BUB1B: variants seen among roughly 807,000 people sequenced by gnomAD.
The protein encoded by BUB1B is mitotic checkpoint serine/threonine-protein kinase BUB1 beta.
Under a neutral mutation model 137.7 loss-of-function variants are expected in BUB1B, and 86 were observed. That is an observed-to-expected ratio of 0.62 (90% CI 0.52 to 0.75). The LOEUF (loss-of-function observed/expected upper bound fraction) is 0.75, where lower values mean the gene tolerates loss of function less well. Among genes scored for constraint, BUB1B ranks in the 30% least tolerant of loss-of-function variants. The pLI, the probability that BUB1B is intolerant of heterozygous loss-of-function variation, is 0.00. For missense variants in BUB1B, 1,130 were observed against 1,236.9 expected (o/e 0.91, Z 1.30); for synonymous variants, 420 against 417.9 (o/e 1.00, Z -0.06).
Position 40,206,442 on chromosome 15 carries a change from A to C in BUB1B, c.1993A>C (p.Ser665Arg), listed in dbSNP as rs776731111. 9 of 1,614,218 alleles carry C rather than the reference A, an allele frequency of 5.6e-6. No individual in the cohort carries two copies. In the South Asian group the frequency reaches 8.8e-5, roughly 16 times the overall value. Residue 665 changes from serine (S) to arginine (R), a missense_variant, in exon 15 of 23, where the codon AGC (serine) becomes CGC (arginine). Coordinates refer to ENST00000287598, the MANE Select transcript of BUB1B (RefSeq NM_001211.6). ...ACGTIYSQTL[S>R]IKKLSPIIED... ...TGGCACTATCTACAGTCAGACTCTC[A>C]GCATCAAGAAGCTGAGGTGATTGGG...
rs2037549217 is a variant in BUB1B, at chr15:40,200,275, C to G, written c.1433C>G (p.Thr478Ser). ...QEETMPTKET[T>S]KLQIASESQK... ...GAGACGATGCCTACAAAGGAGACAACTAAACTGCAAATTGCTTCCGAGTCT... is the reference window on the plus strand; with the variant it reads ...GAGACGATGCCTACAAAGGAGACAAGTAAACTGCAAATTGCTTCCGAGTCT... Residue 478 changes from threonine (T) to serine (S), a missense_variant, in exon 11 of 23, where the codon ACT (threonine) becomes AGT (serine). By Grantham distance (58) the Thr-to-Ser change is moderately conservative. Coordinates refer to ENST00000287598, the MANE Select transcript of BUB1B (RefSeq NM_001211.6). The G allele has an allele frequency of 1.2e-6, 2 of 1,613,646 alleles. No homozygotes were observed. The highest frequency in any genetic ancestry group is 2.7e-5 in the African/African-American group (2 of 74,884).
chr15:40,220,439 A>G (rs2037883267), intron 22 of BUB1B, 125 bp from the exon 23 acceptor site: 1 of 956,968 alleles, frequency 1.0e-6, no homozygotes, highest in Non-Finnish European at 1.6e-6. Flanking sequence ...AATGATCTCT[A>G]ACCCTAGAGT....
chr15:40,165,867 T>C (rs1463101679), intron 2 of BUB1B, among the ~76,000 whole-genome samples: 2 of 151,986 alleles, frequency 1.3e-5, no homozygotes, highest in Non-Finnish European at 2.9e-5. Context: ...TTTTTTTTTT[T>C]AATATGACAG....
At chr15:40,164,908 A>T in intron 1 of BUB1B, 145 bp from the exon 2 acceptor site, 1 of 1,041,574 alleles carries the variant, frequency 9.6e-7, no homozygotes, top group Non-Finnish European at 1.4e-6. Flanking sequence ...AAGCTTAGGC[A>T]TATAATAATA....
chr15:40,202,388 A>C lies in BUB1B; in HGVS notation c.1568-17A>C. On this transcript the variant is annotated splice_polypyrimidine_tract_variant and intron_variant, in intron 12 of 22. Coordinates refer to ENST00000287598, the MANE Select transcript of BUB1B (RefSeq NM_001211.6). ...GCATTTACTCCTAGAGTATGTATCT[A>C]GTCTCTCTTTCTCTAGGTCCCAGTG... 3.7e-3 allele frequency: 4,429 copies of C among 1,184,130 alleles called. No homozygotes were observed. Among genetic ancestry groups the C allele is most frequent in the Non-Finnish European group, 5.0e-3 (3,982 of 796,340 alleles). 73.4% of individuals were successfully genotyped at this position (1,184,130 alleles called of 1,614,324 possible).
chr15:40,210,018 C>A, intron 17 of BUB1B, 92 bp from the exon 18 acceptor site: 3 of 1,099,552 alleles, frequency 2.7e-6, no homozygotes, highest in Non-Finnish European at 4.1e-6. Context: ...GGCAAATACA[C>A]CAGTGCCTCT....
chr15:40,205,835 A>G (rs1227228290), intron 14 of BUB1B, among the ~76,000 whole-genome samples: 3 of 152,236 alleles, frequency 2.0e-5, no homozygotes, highest in Non-Finnish European at 2.9e-5. Context: ...TTAGGTATGT[A>G]GCATAGAGGA....
chr15:40,176,859 A>G (rs1474130907), intron 5 of BUB1B, among the ~76,000 whole-genome samples, 186 bp downstream of exon 5: 1 of 152,184 alleles, frequency 6.6e-6, no homozygotes, highest in Admixed American at 6.5e-5. Flanking sequence ...TCTTTGGTAT[A>G]TGGTACTAGG....
chr15:40,201,210 C>T (rs540768719), intron 12 of BUB1B, among the ~76,000 whole-genome samples: 1 of 152,148 alleles, frequency 6.6e-6, no homozygotes, highest in East Asian at 1.9e-4. Flanking sequence ...TTTAAATTTA[C>T]ACTAACCACC....
chr15:40,216,547 CTATA>C (rs763770679), intron 20 of BUB1B, among the ~76,000 whole-genome samples: 1,824 of 125,414 alleles, frequency 0.015, 25 homozygotes, highest in Middle Eastern at 0.02. Context: ...TATATATATA[CTATA>C]TATATATATA....
chr15:40,178,619 C>CT (rs2037248514), intron 5 of BUB1B, among the ~76,000 whole-genome samples: 1 of 152,048 alleles, frequency 6.6e-6, no homozygotes, highest in Admixed American at 6.6e-5. Context: ...TCATTGATGA[C>CT]TTTCTGTCTA....
intron 18 of BUB1B, among the ~76,000 whole-genome samples, chr15:40,211,247 C>G (rs947687508): frequency 2.7e-5 from 4 of 150,872 alleles, no homozygotes; most frequent in Non-Finnish European, 5.9e-5. Flanking sequence ...AATTTTTTAC[C>G]CCTTTGTCAT....
chr15:40,169,876 G>T (rs758461344), intron 2 of BUB1B, among the ~76,000 whole-genome samples, 186 bp from the exon 3 acceptor site: 14 of 152,028 alleles, frequency 9.2e-5, no homozygotes, highest in African/African-American at 3.4e-4. Context: ...GCCTCCCAAA[G>T]TGTCGGGATT....
intron 1 of BUB1B, among the ~76,000 whole-genome samples, chr15:40,164,610 A>T (rs1420706118): frequency 6.6e-6 from 1 of 150,388 alleles, no homozygotes; most frequent in Non-Finnish European, 1.5e-5. Context: ...TGCCAAATTT[A>T]TAACACTTTT....
At chr15:40,217,692 A>G (rs1319948930) in intron 21 of BUB1B, 25 bp downstream of exon 21, 1 of 1,613,436 alleles carries the variant, frequency 6.2e-7, no homozygotes, top group Non-Finnish European at 8.5e-7. Context: ...AGCCTGAGCA[A>G]ATATGGAGAG....
chr15:40,181,288 T>A lies in BUB1B; in HGVS notation c.582-2426T>A, dbSNP rs569592893. Among the ~76,000 whole-genome samples the A allele has an allele frequency of 1.3e-4, 19 of 151,904 alleles. No individual in the cohort carries two copies. The East Asian group carries it at 3.7e-3, about 29-fold the overall frequency. On this transcript the variant is annotated intron_variant, in intron 5 of 22. Coordinates refer to ENST00000287598, the MANE Select transcript of BUB1B (RefSeq NM_001211.6). Reference sequence around the variant, plus strand: ...CTATTTTTAGTAGAGATGGGGTTTCTCCATGTTGGTCAGGCTGGTCTCCAA... The same window carrying A: ...CTATTTTTAGTAGAGATGGGGTTTCACCATGTTGGTCAGGCTGGTCTCCAA...
At chr15:40,212,743 TC>T in intron 19 of BUB1B, 95 bp downstream of exon 19, 1 of 1,174,336 alleles carries the variant, frequency 8.5e-7, no homozygotes, top group Non-Finnish European at 1.2e-6. Flanking sequence ...CTGTCAATCT[TC>T]TAGAAATAGA....
At position 40,185,307 on chromosome 15, in the gene BUB1B, C is replaced by A; in HGVS notation, c.894C>A (p.Pro298=). Residue 298 remains proline (P), a synonymous_variant, in exon 7 of 23, where the codon CCC becomes CCA. Coordinates refer to ENST00000287598, the MANE Select transcript of BUB1B (RefSeq NM_001211.6). The part of the protein sequence containing the change: ...SKPTVQPWIA[P]PMPRAKENEL... ...CTACAGTCCAGCCATGGATAGCACC[C>A]CCCATGCCCAGGGCCAAAGAGAATG... 2 of 1,614,148 alleles carry A rather than the reference C, an allele frequency of 1.2e-6. No individual in the cohort carries two copies. Among genetic ancestry groups the A allele is most frequent in the Non-Finnish European group, 1.7e-6 (2 of 1,180,024 alleles).
Position 40,170,553 on chromosome 15 carries a change from G to C in BUB1B, c.256G>C (p.Glu86Gln). ...CCCATTTAGGTATATCAGCTGGACA[G>C]AGCAGAACTATCCTCAAGGTGGGAA... ...DVWDRYISWT[E>Q]QNYPQGGKES... The change falls in exon 4 of 23, where the codon GAG becomes CAG. Residue 86 changes from glutamate to glutamine, a missense_variant. Glu to Gln is a conservative substitution (Grantham distance 29, BLOSUM62 2). Coordinates refer to ENST00000287598, the MANE Select transcript of BUB1B (RefSeq NM_001211.6). The C allele has an allele frequency of 1.2e-6, 2 of 1,613,658 alleles. No individual in the cohort carries two copies. Among genetic ancestry groups the C allele is most frequent in the Non-Finnish European group, 1.7e-6 (2 of 1,179,666 alleles).
Sources: allele counts gnomAD v4.1 joint callset (sites outside exome capture counted in the v4.1 genomes callset), GRCh38; gene constraint gnomAD v4.1.1; transcripts MANE v1.5; gene names NCBI Gene and HGNC (gene_info 2026-07-23, HGNC 2026-07-21).